Variants in SPATA17 observed in about 807,000 individuals in gnomAD.
The protein encoded by SPATA17 is spermatogenesis-associated protein 17.
In SPATA17, 53 loss-of-function variants were observed where a neutral mutation model predicts 62.2. The observed-to-expected ratio is 0.85, with a 90% CI of 0.68 to 1.07. The LOEUF (loss-of-function observed/expected upper bound fraction) is 1.07, where lower values mean the gene tolerates loss of function less well. Among genes scored for constraint, SPATA17 ranks in the 50% least tolerant of loss-of-function variants. The pLI is 0.00. For missense variants in SPATA17, 466 were observed against 425.5 expected, an observed-to-expected ratio of 1.10 and a Z score of -0.84; for synonymous variants, 146 against 146.8, an observed-to-expected ratio of 0.99 and a Z score of 0.04.
At position 217,710,207 on chromosome 1, in the gene SPATA17, G is replaced by A. The variant is rs1462760830; in HGVS notation, c.395+26846G>A. Among the ~76,000 whole-genome samples, 3 of 152,140 alleles carry A rather than the reference G, an allele frequency of 2.0e-5. No homozygotes were observed. The South Asian group carries it at 6.2e-4, about 32-fold the overall frequency. ...AGTGGACCTATTACAAAGATAAATG[G>A]GATTGATTAATTTAAGGCTGAGTTT... On this transcript the variant is annotated intron_variant, in intron 5 of 10. Transcript: ENST00000366933.
intron 8 of SPATA17, among the ~76,000 whole-genome samples, chr1:217,791,097 C>G (rs1334860081): frequency 1.3e-5 from 2 of 152,176 alleles, no homozygotes; most frequent in East Asian, 3.8e-4. Context: ...ATTTTAATTA[C>G]TAGCACAGTG....
intron 9 of SPATA17, chr1:217,850,353 G>A: frequency 1.4e-6 from 1 of 692,444 alleles, no homozygotes; most frequent in Non-Finnish European, 2.4e-6. Flanking sequence ...GATGGCTATA[G>A]TGCAGTGTAA....
chr1:217,856,739 G>A (rs1367418614), intron 9 of SPATA17, among the ~76,000 whole-genome samples: 1 of 152,200 alleles, frequency 6.6e-6, no homozygotes, highest in Non-Finnish European at 1.5e-5. Context: ...ACAGAAAAAA[G>A]GGGAGAAGTC....
intron 9 of SPATA17, among the ~76,000 whole-genome samples, chr1:217,859,211 A>G (rs1044535169): frequency 6.8e-6 from 1 of 146,524 alleles, no homozygotes; most frequent in Non-Finnish European, 1.5e-5. Flanking sequence ...AAATATTTAT[A>G]TACATAATAT....
intron 6 of SPATA17, among the ~76,000 whole-genome samples, chr1:217,760,969 C>A (rs1673159538): frequency 6.6e-6 from 1 of 152,134 alleles, no homozygotes; most frequent in African/African-American, 2.4e-5. Flanking sequence ...GGCACACAGT[C>A]ATTGTTAGTA....
chr1:217,807,336 A>G (rs1674457681), intron 9 of SPATA17, among the ~76,000 whole-genome samples: 1 of 152,066 alleles, frequency 6.6e-6, no homozygotes, highest in African/African-American at 2.4e-5. Flanking sequence ...GGGTGATGGG[A>G]TCAATAAAAG....
In SPATA17 at chr1:217,801,263, C is replaced by T. The variant is rs74142808; in HGVS notation, c.873-455C>T. The stretch of plus-strand genomic sequence containing the variant: ...GGCTTGAAGACCCCATTATTCATAA[C>T]TGCTACCACTACCAATAATGCCACC... On this transcript the variant is annotated intron_variant, in intron 8 of 10. Coordinates refer to ENST00000366933, the MANE Select transcript of SPATA17 (RefSeq NM_138796.4). Among the ~76,000 whole-genome samples, 1,323 of 152,262 alleles carry T rather than the reference C, an allele frequency of 8.7e-3. 17 individuals carry two copies. The highest frequency in any genetic ancestry group is 0.03 in the African/African-American group (1,253 of 41,546).
intron 3 of SPATA17, among the ~76,000 whole-genome samples, chr1:217,653,731 G>A (rs956918766): frequency 4.6e-5 from 7 of 152,114 alleles, no homozygotes; most frequent in Admixed American, 2.6e-4. Context: ...TTCTTAAACA[G>A]TGAAGAGGAG....
At chr1:217,662,237 G>A (rs1001978554) in intron 3 of SPATA17, among the ~76,000 whole-genome samples, 7 of 152,112 alleles carry the variant, frequency 4.6e-5, no homozygotes, top group Non-Finnish European at 1.0e-4. Flanking sequence ...GAGCAGAGAA[G>A]TATAAAGGCT....
At chr1:217,706,520 G>A (rs994201162) in intron 5 of SPATA17, among the ~76,000 whole-genome samples, 1 of 152,166 alleles carries the variant, frequency 6.6e-6, no homozygotes, top group Admixed American at 6.5e-5. Context: ...ATAAATGGTA[G>A]TTTTTTCTGT....
At chr1:217,805,798 A>G (rs1444645334) in intron 9 of SPATA17, among the ~76,000 whole-genome samples, 1 of 152,232 alleles carries the variant, frequency 6.6e-6, no homozygotes, top group East Asian at 1.9e-4. Flanking sequence ...GATAACATGT[A>G]TTGGCAAGGA....
intron 9 of SPATA17, among the ~76,000 whole-genome samples, chr1:217,824,266 G>C (rs1296906849): frequency 6.6e-6 from 1 of 151,574 alleles, no homozygotes; most frequent in African/African-American, 2.4e-5. Flanking sequence ...TATTTACTTT[G>C]GGATATTTTG....
chr1:217,796,433 A>G (rs189429287), intron 8 of SPATA17, among the ~76,000 whole-genome samples: 1 of 152,276 alleles, frequency 6.6e-6, no homozygotes, highest in Admixed American at 6.5e-5. Context: ...AGAAAAATGT[A>G]AGGAAAAGGG....
chr1:217,651,267 A>AATT (rs1398008668), intron 3 of SPATA17, 89 bp downstream of exon 3: 36 of 1,056,220 alleles, frequency 3.4e-5, no homozygotes, highest in Middle Eastern at 2.4e-4. Context: ...ATAGTTTGGA[A>AATT]ATTACTGATG....
At chr1:217,634,212 A>G (rs1669886302) in intron 1 of SPATA17, among the ~76,000 whole-genome samples, 1 of 152,244 alleles carries the variant, frequency 6.6e-6, no homozygotes, top group Admixed American at 6.5e-5. Context: ...CAATTTATCA[A>G]GACGGCAATT....
intron 5 of SPATA17, among the ~76,000 whole-genome samples, chr1:217,713,378 A>G (rs539341258): frequency 2.6e-5 from 4 of 152,310 alleles, no homozygotes; most frequent in African/African-American, 7.2e-5. Flanking sequence ...TGGTTTGAAT[A>G]TATACATACA....
intron 9 of SPATA17, among the ~76,000 whole-genome samples, chr1:217,804,023 GA>G (rs1013725554): frequency 8.0e-4 from 110 of 138,328 alleles, no homozygotes; most frequent in Admixed American, 1.0e-3. Context: ...CTCAAAAGAG[GA>G]AAAAAAAAAA....
intron 8 of SPATA17, among the ~76,000 whole-genome samples, chr1:217,801,401 A>G (rs554222105): frequency 1.3e-5 from 2 of 152,340 alleles, no homozygotes; most frequent in East Asian, 1.9e-4. Context: ...TTTCATTTAT[A>G]TGATGAATTT....
intron 8 of SPATA17, among the ~76,000 whole-genome samples, chr1:217,793,314 G>A (rs61825819): frequency 0.034 from 4,761 of 141,916 alleles, 107 homozygotes; most frequent in Middle Eastern, 0.074. Context: ...TCCGCCTTCC[G>A]GGTTGATGCC....
Sources: gnomAD v4.1 joint callset for allele counts (sites outside exome capture counted in the v4.1 genomes callset) on GRCh38, gnomAD v4.1.1 for gene constraint, MANE v1.5 for transcripts, NCBI Gene and HGNC (gene_info 2026-07-23, HGNC 2026-07-21) for gene names.